Variants in CSMD1 observed in about 807,000 individuals in gnomAD.
The protein encoded by CSMD1 is CUB and sushi domain-containing protein 1.
In CSMD1, 213 loss-of-function variants were observed where a neutral mutation model predicts 417.5. The observed-to-expected ratio is 0.51, with a 90% CI of 0.46 to 0.57. The LOEUF is 0.57. CSMD1 is among the 20% of genes least tolerant of loss of function. CSMD1 has a pLI of 0.00. For synonymous variants in CSMD1, 2,862 were observed against 1,736.8 expected (o/e 1.65, Z -16.11); for missense variants, 6,923 against 4,529.7 (o/e 1.53, Z -15.17).
At chr8:3,786,720 G>A (rs1191903436) in intron 5 of CSMD1, among the ~76,000 whole-genome samples, 1 of 152,184 alleles carries the variant, frequency 6.6e-6, no homozygotes, top group Middle Eastern at 3.2e-3. Flanking sequence ...CTAGAGGGTG[G>A]AAGCCCATGA....
At chr8:3,931,422 A>G (rs1395614685) in intron 5 of CSMD1, among the ~76,000 whole-genome samples, 1 of 150,652 alleles carries the variant, frequency 6.6e-6, no homozygotes, top group Non-Finnish European at 1.5e-5. Flanking sequence ...TATTGTGGAA[A>G]AAAAAATCTT....
rs1266552892 is a variant in CSMD1, at chr8:4,350,534, G to C, written c.415+69419C>G. ...TGAGCTCTCAGCCTGAAGGAGGTAG[G>C]AATGGAGGCTAATGTCCTGATTCCA... On this transcript the variant is annotated intron_variant, in intron 3 of 69. Coordinates refer to ENST00000635120, the MANE Select transcript of CSMD1 (RefSeq NM_033225.6). Among the ~76,000 whole-genome samples the C allele has an allele frequency of 2.6e-5, 4 of 152,188 alleles. No individual in the cohort carries two copies. The East Asian group carries it at 5.8e-4, about 22-fold the overall frequency.
chr8:3,171,566 T>C (rs184560793), intron 37 of CSMD1, among the ~76,000 whole-genome samples: 82 of 152,290 alleles, frequency 5.4e-4, no homozygotes, highest in Admixed American at 2.1e-3. Flanking sequence ...ATTCCCTAGT[T>C]ACTTACCATG....
chr8:4,071,742 A>G (rs964738), intron 3 of CSMD1, among the ~76,000 whole-genome samples: 58,229 of 151,956 alleles, frequency 0.38, 11,453 homozygotes, highest in South Asian at 0.52. Context: ...GTTGATGAAT[A>G]TATTTATTTC....
chr8:4,151,019 G>T (rs1044327605), intron 3 of CSMD1, among the ~76,000 whole-genome samples: 1 of 152,146 alleles, frequency 6.6e-6, no homozygotes, highest in Non-Finnish European at 1.5e-5. Context: ...GAGAAATTGT[G>T]TCCCATATGC....
intron 3 of CSMD1, among the ~76,000 whole-genome samples, chr8:4,172,821 G>A (rs904653133): frequency 6.6e-6 from 1 of 152,094 alleles, no homozygotes; most frequent in African/African-American, 2.4e-5. Context: ...CCCTGGATAT[G>A]TCCATATGGA....
At chr8:4,862,990 A>G (rs1367471342) in intron 1 of CSMD1, among the ~76,000 whole-genome samples, 2 of 151,952 alleles carry the variant, frequency 1.3e-5, no homozygotes, top group East Asian at 3.9e-4. Flanking sequence ...GGGAACCAGC[A>G]AATACCCCCG....
chr8:4,905,466 C>T (rs555194740), intron 1 of CSMD1, among the ~76,000 whole-genome samples: 1 of 152,192 alleles, frequency 6.6e-6, no homozygotes, highest in South Asian at 2.1e-4. Flanking sequence ...CTGCTTTAGG[C>T]ATTCTAAAAC....
chr8:4,526,905 A>T (rs577754017), intron 2 of CSMD1, among the ~76,000 whole-genome samples: 2 of 152,310 alleles, frequency 1.3e-5, no homozygotes, highest in African/African-American at 2.4e-5. Context: ...TGAATGATCA[A>T]ACATGACTTC....
At chr8:4,334,650 C>T (rs968564842) in intron 3 of CSMD1, among the ~76,000 whole-genome samples, 1 of 152,146 alleles carries the variant, frequency 6.6e-6, no homozygotes, top group Admixed American at 6.5e-5. Flanking sequence ...TTTATACCTT[C>T]TATGGTTAGA....
intron 4 of CSMD1, among the ~76,000 whole-genome samples, chr8:4,011,625 A>G (rs557197411): frequency 3.9e-5 from 6 of 152,222 alleles, no homozygotes; most frequent in African/African-American, 1.2e-4. Flanking sequence ...ACATTCATCC[A>G]TTTCCTCATC....
intron 3 of CSMD1, among the ~76,000 whole-genome samples, chr8:4,280,794 G>A (rs371777230): frequency 3.2e-4 from 48 of 152,128 alleles, no homozygotes; most frequent in South Asian, 2.9e-3. Flanking sequence ...TTATTTGAAC[G>A]TATGTTAAAA....
chr8:3,717,178 C>T (rs1334390194), intron 6 of CSMD1, among the ~76,000 whole-genome samples: 1 of 152,100 alleles, frequency 6.6e-6, no homozygotes, highest in Non-Finnish European at 1.5e-5. Context: ...ATAATTATTA[C>T]ATTTTTTCAT....
chr8:3,854,117 A>G (rs1804124007), intron 5 of CSMD1, among the ~76,000 whole-genome samples: 1 of 145,352 alleles, frequency 6.9e-6, no homozygotes, highest in Non-Finnish European at 1.5e-5. Flanking sequence ...ATAGTTATAT[A>G]TTATACTTAT....
Position 4,158,137 on chromosome 8 carries a change from G to A in CSMD1, c.416-126038C>T, listed in dbSNP as rs1796941631. ...GCTTAAGATCCCTGCAGTCCCTGAG[G>A]TCAGACCATTCTCCCTACGGCCTTC... On this transcript the variant is annotated intron_variant, in intron 3 of 69. Coordinates refer to ENST00000635120, the MANE Select transcript of CSMD1 (RefSeq NM_033225.6). Among the ~76,000 whole-genome samples the A allele has an allele frequency of 2.7e-5, 4 of 150,528 alleles. No individual in the cohort carries two copies. The South Asian group carries it at 8.4e-4, about 32-fold the overall frequency.
At chr8:3,929,042 A>G (rs933368167) in intron 5 of CSMD1, among the ~76,000 whole-genome samples, 1 of 150,544 alleles carries the variant, frequency 6.6e-6, no homozygotes, top group Non-Finnish European at 1.5e-5. Flanking sequence ...GGCCATCAGC[A>G]TTGCCATCTA....
At chr8:4,565,775 T>TATAC (rs1563291897) in intron 2 of CSMD1, among the ~76,000 whole-genome samples, 5 of 42,126 alleles carry the variant, frequency 1.2e-4, no homozygotes, top group Non-Finnish European at 2.6e-4. Flanking sequence ...TATATATATA[T>TATAC]ATATATATAT....
chr8:4,117,477 T>G (rs569719091), intron 3 of CSMD1, among the ~76,000 whole-genome samples: 1 of 152,180 alleles, frequency 6.6e-6, no homozygotes, highest in South Asian at 2.1e-4. Context: ...TAATAAATGA[T>G]GCACTCAATG....
At chr8:4,539,703 G>A (rs1797287156) in intron 2 of CSMD1, among the ~76,000 whole-genome samples, 2 of 152,250 alleles carry the variant, frequency 1.3e-5, no homozygotes, top group East Asian at 1.9e-4. Context: ...AAATATCCTA[G>A]CTCTATCCTT....
Sources: allele counts gnomAD v4.1 joint callset (sites outside exome capture counted in the v4.1 genomes callset), GRCh38; gene constraint gnomAD v4.1.1; transcripts MANE v1.5; gene names NCBI Gene and HGNC (gene_info 2026-07-23, HGNC 2026-07-21).